Variants in POLR3B observed in about 807,000 individuals in gnomAD.
POLR3B encodes DNA-directed RNA polymerase III subunit RPC2.
Under a neutral mutation model 147.4 loss-of-function variants are expected in POLR3B, and 96 were observed. The observed-to-expected ratio is 0.65, with a 90% CI of 0.55 to 0.77. The LOEUF is 0.77. Ranked by LOEUF, POLR3B falls within the 30% of genes least tolerant of loss-of-function variation. The pLI is 0.00. For synonymous variants in POLR3B, 461 were observed against 485.9 expected (o/e 0.95, Z 0.67); for missense variants, 1,036 against 1,413.5 (o/e 0.73, Z 4.28).
At chr12:106,358,068 T>C (rs963462813) in intron 1 of POLR3B, 117 bp downstream of exon 1, 1 of 1,545,892 alleles carries the variant, frequency 6.5e-7, no homozygotes, top group African/African-American at 1.4e-5. Context: ...TGCGCCGGGC[T>C]TCTGCGCATG....
rs184816913 is a variant in POLR3B at position 106,508,512 on chromosome 12, T to C, written c.3273-908T>C. Among the ~76,000 whole-genome samples, 525 of 152,356 alleles carry C rather than the reference T, an allele frequency of 3.4e-3. 5 individuals carry two copies. Among genetic ancestry groups the C allele is most frequent in the African/African-American group, 0.012 (505 of 41,586 alleles). ...GTCAGGATTTGTACTGGATACCTAC[T>C]GTCCTAGCTGCTGCAGACCCTTGAG... is the stretch of plus-strand genomic sequence containing the variant. On this transcript the variant is annotated intron_variant, in intron 27 of 27. Coordinates refer to ENST00000228347, the MANE Select transcript of POLR3B (RefSeq NM_018082.6).
chr12:106,463,184 G>A (rs1250491810), intron 22 of POLR3B, among the ~76,000 whole-genome samples: 1 of 152,140 alleles, frequency 6.6e-6, no homozygotes, highest in African/African-American at 2.4e-5. Context: ...CCTTGGACAA[G>A]TTACTTAACC....
At chr12:106,391,997 G>A (rs2036920492) in intron 9 of POLR3B, among the ~76,000 whole-genome samples, 1 of 152,146 alleles carries the variant, frequency 6.6e-6, no homozygotes, top group African/African-American at 2.4e-5. Flanking sequence ...GAGAGATTTA[G>A]TGAGATTATG....
At position 106,388,876 on chromosome 12, in the gene POLR3B, C is replaced by T. The variant is rs142572687; in HGVS notation, c.724-4155C>T. 7.0e-3 allele frequency among the ~76,000 whole-genome samples: 1,063 copies of T among 152,260 alleles called. 15 individuals carry two copies. Among genetic ancestry groups the T allele is most frequent in the African/African-American group, 0.025 (1,022 of 41,556 alleles). ...GTATTCTTTTTGTCTTTAAAAGTCA[C>T]GCTTTGTAGATATCTAAAAAGACCT... On this transcript the variant is annotated intron_variant, in intron 9 of 27. Coordinates refer to ENST00000228347, the MANE Select transcript of POLR3B (RefSeq NM_018082.6).
intron 6 of POLR3B, among the ~76,000 whole-genome samples, chr12:106,372,859 ATAAC>A (rs35038433): frequency 0.11 from 17,108 of 152,186 alleles, 1,103 homozygotes; most frequent in African/African-American, 0.17. Context: ...GTCATATTAC[ATAAC>A]TTTAGTCAGT....
chr12:106,454,570 C>T lies in POLR3B; in HGVS notation c.2152C>T (p.Pro718Ser), dbSNP rs772327533. 6.2e-7 allele frequency: 1 copy of T among 1,609,266 alleles called. No homozygotes were observed. The highest frequency in any genetic ancestry group is 8.5e-7 in the Non-Finnish European group (1 of 1,175,778). Reference protein sequence around the residue: ...LMYLLAYPQKPMVKTKTIELI... With the variant: ...LMYLLAYPQKSMVKTKTIELI... ...GTATCTACTAGCATATCCACAAAAA[C>T]CCATGGTTAAGACAAAAACCATTGA... Residue 718 changes from proline to serine, a missense_variant, in exon 20 of 28, where the codon CCC (proline) becomes TCC (serine). This residue lies in a region of POLR3B where 202 missense variants were observed against 272.8 expected (regional missense o/e 0.74). Coordinates refer to ENST00000228347, the MANE Select transcript of POLR3B (RefSeq NM_018082.6).
At chr12:106,413,498 A>G (rs975557727) in intron 12 of POLR3B, among the ~76,000 whole-genome samples, 1 of 152,160 alleles carries the variant, frequency 6.6e-6, no homozygotes, top group Non-Finnish European at 1.5e-5. Context: ...TTATGGGATT[A>G]GATGAATGAT....
At chr12:106,421,969 G>A (rs1321150388) in intron 12 of POLR3B, among the ~76,000 whole-genome samples, 2 of 152,190 alleles carry the variant, frequency 1.3e-5, no homozygotes, top group Non-Finnish European at 2.9e-5. Context: ...CAAAGTGCTA[G>A]GATTACAGGC....
At position 106,504,339 on chromosome 12, in the gene POLR3B, T is replaced by TA; in HGVS notation, c.3272+86dup. The stretch of plus-strand genomic sequence containing the variant: ...GAATTGACCCTGGATCCTATCCGCA[T>TA]ATTCTCCAGCCTCTGTCTGTGATCA... On this transcript the variant is annotated intron_variant, in intron 27 of 27. Transcript: ENST00000228347. The surrounding 1 kb of genome is among the most constrained non-coding windows in gnomAD (Gnocchi z 4.6). 1 of 1,085,866 alleles carries TA rather than the reference T, an allele frequency of 9.2e-7. No homozygotes were observed. Among genetic ancestry groups the TA allele is most frequent in the Non-Finnish European group, 1.4e-6 (1 of 699,536 alleles). 67.3% of individuals were successfully genotyped at this position (1,085,866 alleles called of 1,614,324 possible).
intron 27 of POLR3B, among the ~76,000 whole-genome samples, chr12:106,507,223 C>G (rs1038295532): frequency 1.3e-4 from 20 of 152,012 alleles, no homozygotes; most frequent in Admixed American, 7.9e-4. Context: ...CTACCTTTGC[C>G]CTAAAAAAGC....
rs78894171 is a variant in POLR3B, at chr12:106,396,331, C to T, written c.846+3178C>T. On this transcript the variant is annotated intron_variant, in intron 10 of 27. Transcript: ENST00000228347. ...CCTGCTTTCTTCAGTTACTTAGTTA[C>T]TACTTACTACTAGGTCACTGCAGCA... 9.6e-3 allele frequency among the ~76,000 whole-genome samples: 1,463 copies of T among 152,310 alleles called. 22 individuals carry two copies. Among genetic ancestry groups the T allele is most frequent in the African/African-American group, 0.033 (1,367 of 41,562 alleles).
At chr12:106,378,658 A>T (rs934789324) in intron 8 of POLR3B, among the ~76,000 whole-genome samples, 4 of 152,152 alleles carry the variant, frequency 2.6e-5, no homozygotes, top group African/African-American at 7.2e-5. Context: ...ATTTAAAAAA[A>T]AAAAAATAAA....
chr12:106,443,206 C>T (rs1479111957), intron 18 of POLR3B, among the ~76,000 whole-genome samples: 1 of 151,990 alleles, frequency 6.6e-6, no homozygotes, highest in Non-Finnish European at 1.5e-5. Flanking sequence ...TACTATAAGT[C>T]CTCAAAATCT....
chr12:106,384,200 C>CA (rs1490311925), intron 9 of POLR3B, among the ~76,000 whole-genome samples: 1 of 152,026 alleles, frequency 6.6e-6, no homozygotes, highest in African/African-American at 2.4e-5. Context: ...CTACAAAGCC[C>CA]AATAAAGCAA....
rs114344166 is a variant in POLR3B at position 106,427,584 on chromosome 12, C to T, written c.1263+226C>T. 1.7e-3 allele frequency among the ~76,000 whole-genome samples: 257 copies of T among 152,242 alleles called. 1 individual carries two copies. Among genetic ancestry groups the T allele is most frequent in the African/African-American group, 6.0e-3 (249 of 41,534 alleles). ...ATGAGGCAATAAGAAAATAGATACT[C>T]TTATATAGAGGAAAAATCTTCATTG... On this transcript the variant is annotated intron_variant, in intron 13 of 27. Transcript: ENST00000228347.
intron 9 of POLR3B, among the ~76,000 whole-genome samples, chr12:106,390,703 CAA>C (rs35671254): frequency 1.9e-4 from 22 of 117,404 alleles, no homozygotes; most frequent in East Asian, 3.2e-4. Flanking sequence ...AACTTGTTTG[CAA>C]AAAAAAAAAA....
chr12:106,409,818 A>G (rs191690642), intron 11 of POLR3B, among the ~76,000 whole-genome samples: 97 of 152,294 alleles, frequency 6.4e-4, no homozygotes, highest in Non-Finnish European at 9.3e-4. Flanking sequence ...GGAAAAGCCT[A>G]TAAATACTCC....
At chr12:106,414,221 TAA>T (rs5800711) in intron 12 of POLR3B, among the ~76,000 whole-genome samples, 8 of 121,072 alleles carry the variant, frequency 6.6e-5, no homozygotes, top group Admixed American at 1.8e-4. Flanking sequence ...GATACAAAAG[TAA>T]AAAAAAAAAA....
At chr12:106,509,276 TGATA>T in intron 27 of POLR3B, 140 bp from the exon 28 acceptor site, 1 of 842,334 alleles carries the variant, frequency 1.2e-6, no homozygotes. Context: ...CGTACTTATA[TGATA>T]GTGCAACTGA....
Sources: allele counts gnomAD v4.1 joint callset (sites outside exome capture counted in the v4.1 genomes callset), GRCh38; gene constraint gnomAD v4.1.1; regional missense constraint gnomAD v4.1.1; non-coding constraint Gnocchi (gnomAD v3.1); transcripts MANE v1.5; gene names NCBI Gene and HGNC (gene_info 2026-07-23, HGNC 2026-07-21).